The following SMAD2 variants were observed in gnomAD, a reference collection of about 807,000 sequenced individuals.
SMAD2 encodes MAD homolog 2.
In SMAD2, 8 loss-of-function variants were observed where a neutral mutation model predicts 64.4. That is an observed-to-expected ratio of 0.12 (90% CI 0.07 to 0.22). The LOEUF is 0.22. Among genes scored for constraint, SMAD2 ranks in the 10% least tolerant of loss-of-function variants. The pLI is 1.00. For synonymous variants in SMAD2, 203 were observed against 195.8 expected (o/e 1.04, Z -0.31); for missense variants, 289 against 561.2 (o/e 0.51, Z 4.90).
At chr18:47,901,023 G>C (rs1285186554) in intron 1 of SMAD2, among the ~76,000 whole-genome samples, 1 of 152,178 alleles carries the variant, frequency 6.6e-6, no homozygotes, top group African/African-American at 2.4e-5. Context: ...CAAGGGAAAA[G>C]ATGGTTAATA....
intron 2 of SMAD2, among the ~76,000 whole-genome samples, chr18:47,888,188 G>GA (rs2033007810): frequency 1.3e-5 from 2 of 151,518 alleles, no homozygotes; most frequent in Admixed American, 1.3e-4. Flanking sequence ...TTACTAGAGG[G>GA]GAAAAAAGGG....
intron 9 of SMAD2, 26 bp from the exon 10 acceptor site, chr18:47,845,510 T>C (rs921354727): frequency 2.5e-6 from 4 of 1,608,484 alleles, no homozygotes; most frequent in Non-Finnish European, 2.6e-6. Flanking sequence ...GTAAAAGAAA[T>C]TGTCAAAAGA....
rs547548565 is a variant in SMAD2, at chr18:47,872,713, T to A, written c.237-2149A>T. ...TTGTGAACTGCACATGCGAGGGCTT[T>A]AGGCTGGGCACTCCTTAAGAGAATC... On this transcript the variant is annotated intron_variant, in intron 2 of 10. Coordinates refer to ENST00000262160, the MANE Select transcript of SMAD2 (RefSeq NM_005901.6). Among the ~76,000 whole-genome samples the A allele has an allele frequency of 3.3e-5, 5 of 152,214 alleles. No individual in the cohort carries two copies. The South Asian group carries it at 8.3e-4, about 25-fold the overall frequency.
chr18:47,854,106 A>C (rs942465610), intron 6 of SMAD2, among the ~76,000 whole-genome samples: 3 of 151,710 alleles, frequency 2.0e-5, no homozygotes, highest in Admixed American at 6.6e-5. Flanking sequence ...AAAAAACCAG[A>C]GGCAACGAAC....
At chr18:47,896,474 G>A (rs1452749607) in intron 2 of SMAD2, 47 bp downstream of exon 2, 1 of 1,591,158 alleles carries the variant, frequency 6.3e-7, no homozygotes, top group South Asian at 1.1e-5. Flanking sequence ...CTTTCCTTCA[G>A]ATTCCTTGAC....
At chr18:47,878,245 A>G (rs569079276) in intron 2 of SMAD2, 1 of 152,316 alleles carries the variant, frequency 6.6e-6, no homozygotes, top group East Asian at 1.9e-4. Context: ...AAAATAAACT[A>G]ATACCAAGTC....
rs182478937 is a variant in SMAD2 at position 47,847,373 on chromosome 18, A to T, written c.997+1102T>A. ...TTCTCACAGGAGGTAATGGTTAATT[A>T]GAAAAAAAACAGAAGCAAACTACTG... On this transcript the variant is annotated intron_variant, in intron 8 of 10. Coordinates refer to ENST00000262160, the MANE Select transcript of SMAD2 (RefSeq NM_005901.6). Among the ~76,000 whole-genome samples, 273 of 152,202 alleles carry T rather than the reference A, an allele frequency of 1.8e-3. 2 individuals are homozygous for T. Among genetic ancestry groups the T allele is most frequent in the Non-Finnish European group, 2.7e-3 (186 of 68,000 alleles).
chr18:47,848,426 T>C (rs757991407), intron 8 of SMAD2, 49 bp downstream of exon 8: 2 of 1,362,782 alleles, frequency 1.5e-6, no homozygotes, highest in Middle Eastern at 1.9e-4. Context: ...AATGCCTACA[T>C]TATGAGTATA....
intron 8 of SMAD2, among the ~76,000 whole-genome samples, chr18:47,847,699 G>GAAA (rs1914649729): frequency 4.6e-5 from 2 of 43,570 alleles, no homozygotes; most frequent in African/African-American, 1.2e-4. Context: ...TATTTCCAAA[G>GAAA]CAAAAAAAAA....
In SMAD2 at chr18:47,809,963, A is replaced by G. The variant is rs1912148862; in HGVS notation, c.*31864T>C. The G allele has an allele frequency of 6.6e-6, 1 of 152,184 alleles. No homozygotes were observed. Among genetic ancestry groups the G allele is most frequent in the Non-Finnish European group, 1.5e-5 (1 of 68,032 alleles). 9.4% of individuals were successfully genotyped at this position (152,184 alleles called of 1,614,324 possible). ...TAAATGCACAATAGACTTCTAGCCC[A>G]TTTGCCAAAAGCCATCCCAAAGAGG... On this transcript the variant is annotated 3_prime_UTR_variant, in exon 11 of 11. Transcript: ENST00000262160.
intron 6 of SMAD2, among the ~76,000 whole-genome samples, chr18:47,862,879 T>A (rs1413548684): frequency 6.6e-6 from 1 of 152,144 alleles, no homozygotes; most frequent in African/African-American, 2.4e-5. Flanking sequence ...GGACTGATTA[T>A]ACAATACTAC....
chr18:47,914,167 T>C (rs1195497142), intron 1 of SMAD2, among the ~76,000 whole-genome samples: 2 of 152,202 alleles, frequency 1.3e-5, no homozygotes, highest in Non-Finnish European at 2.9e-5. Flanking sequence ...TTTCTTACTG[T>C]TTTTATTCTG....
chr18:47,871,103 T>C (rs1191230854), intron 2 of SMAD2, among the ~76,000 whole-genome samples: 5 of 152,218 alleles, frequency 3.3e-5, no homozygotes. Context: ...TTTGAAGTCA[T>C]TCTAATTTAG....
Position 47,829,141 on chromosome 18 carries a change from G to A in SMAD2, c.*12686C>T, listed in dbSNP as rs1157741539. 1 of 152,032 alleles carries A rather than the reference G, an allele frequency of 6.6e-6. No homozygotes were observed. Among genetic ancestry groups the A allele is most frequent in the African/African-American group, 2.4e-5 (1 of 41,388 alleles). The allele number at this position is 152,032 out of a possible 1,614,324, so 9.4% of individuals were successfully genotyped here. A position where few individuals can be genotyped will look rare whatever the true frequency, so the allele number is the denominator to read the frequency against. ...CAGAGGATGTTAAGGAGGCTTCCTA[G>A]AGAAGACGTGGCAATGCACCTGATG... On this transcript the variant is annotated 3_prime_UTR_variant, in exon 11 of 11. Transcript: ENST00000262160.
rs1031230414 is a variant in SMAD2, at chr18:47,812,337, C to A, written c.*29490G>T. ...CTTCTGCCATAATTGTGAGGCCTCC[C>A]CAGCCATGTAAAACTGTGAGTCAAT... On this transcript the variant is annotated 3_prime_UTR_variant, in exon 11 of 11. Coordinates refer to ENST00000262160, the MANE Select transcript of SMAD2 (RefSeq NM_005901.6). The A allele has an allele frequency of 7.2e-5, 11 of 152,300 alleles. No homozygotes were observed. The highest frequency in any genetic ancestry group is 2.6e-4 in the African/African-American group (11 of 41,546). 9.4% of individuals were successfully genotyped at this position (152,300 alleles called of 1,614,324 possible).
chr18:47,901,226 C>T (rs2033672003), intron 1 of SMAD2, among the ~76,000 whole-genome samples: 1 of 152,092 alleles, frequency 6.6e-6, no homozygotes, highest in Non-Finnish European at 1.5e-5. Context: ...TGTGGTAACT[C>T]TGGTGGATCA....
chr18:47,824,705 T>G lies in SMAD2; in HGVS notation c.*17122A>C, dbSNP rs1000367685. On this transcript the variant is annotated 3_prime_UTR_variant, in exon 11 of 11. Transcript: ENST00000262160. ...TGCTTCCAAACACACTAAAGTACAG[T>G]ATACTCAATTTTAAATATAGACAGT... 6 of 152,200 alleles carry G rather than the reference T, an allele frequency of 3.9e-5. No individual in the cohort carries two copies. The highest frequency in any genetic ancestry group is 3.2e-3 in the Middle Eastern group (1 of 316). The allele number at this position is 152,200 out of a possible 1,614,324, so 9.4% of individuals were successfully genotyped here.
intron 7 of SMAD2, 74 bp downstream of exon 7, chr18:47,851,200 T>A (rs2030031294): frequency 9.6e-7 from 1 of 1,044,854 alleles, no homozygotes; most frequent in East Asian, 2.4e-5. Flanking sequence ...AAAAAATAAC[T>A]CCTAGAGATG....
In SMAD2 at chr18:47,829,488, G is replaced by T. The variant is rs969374506; in HGVS notation, c.*12339C>A. 6.6e-5 allele frequency: 10 copies of T among 151,348 alleles called. No homozygotes were observed. The highest frequency in any genetic ancestry group is 1.5e-4 in the Non-Finnish European group (10 of 67,890). 9.4% of individuals were successfully genotyped at this position (151,348 alleles called of 1,614,324 possible). The stretch of plus-strand genomic sequence containing the variant: ...TATGCACCCACCTTCAATCAAATGC[G>T]ATCTTTTAAAGAATATAAACAAGCC... On this transcript the variant is annotated 3_prime_UTR_variant, in exon 11 of 11. Coordinates refer to ENST00000262160, the MANE Select transcript of SMAD2 (RefSeq NM_005901.6).
Sources: allele counts gnomAD v4.1 joint callset (sites outside exome capture counted in the v4.1 genomes callset), GRCh38; gene constraint gnomAD v4.1.1; transcripts MANE v1.5; gene names NCBI Gene and HGNC (gene_info 2026-07-23, HGNC 2026-07-21).